Variants in DNAH14 observed in about 807,000 individuals in gnomAD.
The protein encoded by DNAH14 is dynein axonemal heavy chain 14.
In DNAH14, 478 loss-of-function variants were observed where a neutral mutation model predicts 520.9. The ratio of observed to expected loss-of-function variants is 0.92; its 90% CI spans 0.85 to 0.99. The LOEUF (loss-of-function observed/expected upper bound fraction) is 0.99. Ranked by LOEUF, DNAH14 falls within the 50% of genes least tolerant of loss-of-function variation. DNAH14 has a pLI of 0.00. For synonymous variants in DNAH14, 1,581 were observed against 1,757.2 expected (o/e 0.90, Z 2.51); for missense variants, 4,831 against 5,234.5 (o/e 0.92, Z 2.38).
At chr1:225,070,813 C>G (rs1469229456) in intron 17 of DNAH14, among the ~76,000 whole-genome samples, 14 of 152,046 alleles carry the variant, frequency 9.2e-5, no homozygotes, top group Non-Finnish European at 1.6e-4. Context: ...AAGTTTCCCA[C>G]TATTATTGTG....
chr1:224,999,368 G>A (rs1358226035), intron 8 of DNAH14, among the ~76,000 whole-genome samples: 2 of 151,722 alleles, frequency 1.3e-5, no homozygotes, highest in Non-Finnish European at 1.5e-5. Flanking sequence ...CACCATGCCC[G>A]GCTAATTTTG....
chr1:225,084,832 T>G (rs1327586513), intron 20 of DNAH14, among the ~76,000 whole-genome samples: 3 of 138,144 alleles, frequency 2.2e-5, no homozygotes, highest in Non-Finnish European at 5.1e-5. Context: ...TTACACATTA[T>G]CAGTGTCTGC....
intron 43 of DNAH14, among the ~76,000 whole-genome samples, chr1:225,242,853 G>C (rs986894444): frequency 6.6e-6 from 1 of 152,092 alleles, no homozygotes; most frequent in Non-Finnish European, 1.5e-5. Context: ...TGACAGCTAC[G>C]ATGTTACGAT....
intron 46 of DNAH14, among the ~76,000 whole-genome samples, 190 bp from the exon 47 acceptor site, chr1:225,264,007 G>A (rs939903915): frequency 1.6e-4 from 25 of 152,028 alleles, no homozygotes; most frequent in African/African-American, 5.3e-4. Flanking sequence ...GTTAGCTTAT[G>A]TTTTGTTCAG....
chr1:225,324,478 T>A, intron 63 of DNAH14, 125 bp downstream of exon 63: 2 of 1,275,592 alleles, frequency 1.6e-6, no homozygotes, highest in Non-Finnish European at 2.1e-6. Flanking sequence ...AGAAACACTT[T>A]AATCAAATGT....
intron 12 of DNAH14, among the ~76,000 whole-genome samples, chr1:225,040,781 A>G (rs1423055805): frequency 6.6e-6 from 1 of 152,228 alleles, no homozygotes; most frequent in Non-Finnish European, 1.5e-5. Context: ...AACTGTATTG[A>G]GTAATATAAA....
intron 41 of DNAH14, among the ~76,000 whole-genome samples, chr1:225,228,785 G>T (rs1260783381): frequency 6.6e-6 from 1 of 152,164 alleles, no homozygotes; most frequent in African/African-American, 2.4e-5. Context: ...GCAAAAAACA[G>T]AAAAGGGGGA....
chr1:225,338,013 A>T, intron 67 of DNAH14, 48 bp from the exon 68 acceptor site: 1 of 1,476,420 alleles, frequency 6.8e-7, no homozygotes, highest in Non-Finnish European at 9.0e-7. Flanking sequence ...TTTTCAACCA[A>T]TTTGTTTTAA....
intron 34 of DNAH14, among the ~76,000 whole-genome samples, chr1:225,157,016 T>TA (rs2081116429): frequency 6.6e-6 from 1 of 152,110 alleles, no homozygotes; most frequent in African/African-American, 2.4e-5. Flanking sequence ...CGCCCGGCCT[T>TA]AAAATTCTTA....
At chr1:225,118,886 CA>C (rs35262847) in intron 25 of DNAH14, among the ~76,000 whole-genome samples, 9,153 of 74,568 alleles carry the variant, frequency 0.12, 337 homozygotes, top group East Asian at 0.33. Flanking sequence ...CTCTCTGTCT[CA>C]AAAAAAAAAA....
intron 7 of DNAH14, among the ~76,000 whole-genome samples, chr1:224,972,500 C>G (rs1360320740): frequency 1.3e-5 from 2 of 150,252 alleles, no homozygotes; most frequent in Non-Finnish European, 3.0e-5. Context: ...GAGTCTTGCT[C>G]TGTCACCCAG....
chr1:225,269,559 G>A (rs554394277), intron 49 of DNAH14, among the ~76,000 whole-genome samples: 1 of 151,226 alleles, frequency 6.6e-6, no homozygotes, highest in South Asian at 2.2e-4. Flanking sequence ...AGAATGGGAG[G>A]AAATTTTTAC....
At chr1:225,118,886 C>CAAAA (rs35262847) in intron 25 of DNAH14, among the ~76,000 whole-genome samples, 5 of 74,630 alleles carry the variant, frequency 6.7e-5, no homozygotes, top group African/African-American at 1.3e-4. Context: ...CTCTCTGTCT[C>CAAAA]AAAAAAAAAA....
At chr1:225,072,347 G>C (rs2071639379) in intron 17 of DNAH14, among the ~76,000 whole-genome samples, 1 of 152,016 alleles carries the variant, frequency 6.6e-6, no homozygotes, top group Non-Finnish European at 1.5e-5. Context: ...ACTTGTGATT[G>C]CATTATGAAA....
rs557957893 is a variant in DNAH14 at position 225,141,011 on chromosome 1, G to A, written c.4498G>A (p.Glu1500Lys). The A allele has an allele frequency of 3.4e-5, 53 of 1,546,380 alleles. No homozygotes were observed. The highest frequency in any genetic ancestry group is 4.6e-5 in the Non-Finnish European group (53 of 1,143,862). Residue 1500 changes from glutamate to lysine, a missense_variant, in exon 28 of 86, where the codon GAG (glutamate) becomes AAG (lysine). Transcript: ENST00000682510. ...LKNIFNAEDFEWTRHLQYKWN... is the reference protein window; with the variant it reads ...LKNIFNAEDFKWTRHLQYKWN... ...AAATATCTTCAATGCAGAGGATTTT[G>A]AGTGGACAAGGTAGGTGGATCTAAA...
At chr1:225,044,038 T>A (rs2067718603) in intron 15 of DNAH14, 55 bp downstream of exon 15, 4 of 1,121,182 alleles carry the variant, frequency 3.6e-6, no homozygotes, top group South Asian at 1.5e-5. Context: ...AATATTTTTT[T>A]AAATTTAAGC....
At chr1:225,094,406 G>A (rs1426174069) in intron 21 of DNAH14, among the ~76,000 whole-genome samples, 1 of 151,868 alleles carries the variant, frequency 6.6e-6, no homozygotes. Context: ...GGAATAACTG[G>A]AATAACTGGC....
intron 1 of DNAH14, among the ~76,000 whole-genome samples, chr1:224,930,152 A>G (rs186348843): frequency 1.1e-4 from 17 of 152,332 alleles, no homozygotes; most frequent in Non-Finnish European, 1.6e-4. Flanking sequence ...AGTTTTTTAA[A>G]ATTTTCCATT....
At chr1:224,940,252 T>G (rs899889903) in intron 1 of DNAH14, among the ~76,000 whole-genome samples, 1 of 152,148 alleles carries the variant, frequency 6.6e-6, no homozygotes, top group Non-Finnish European at 1.5e-5. Flanking sequence ...ACCTGGCAGG[T>G]CTCTTTAAGG....
Sources: allele counts gnomAD v4.1 joint callset (sites outside exome capture counted in the v4.1 genomes callset), GRCh38; gene constraint gnomAD v4.1.1; transcripts MANE v1.5; gene names NCBI Gene and HGNC (gene_info 2026-07-23, HGNC 2026-07-21).